The following KCNT1 variants were observed in gnomAD, a reference collection of about 807,000 sequenced individuals.
KCNT1 encodes the protein potassium sodium-activated channel subfamily T member 1, also known as potassium channel subfamily T member 1.
KCNT1 carries 78 observed loss-of-function variants against 147.8 expected under a neutral mutation model. The observed-to-expected ratio is 0.53, with a 90% CI of 0.44 to 0.64. The LOEUF is 0.64. KCNT1 is among the 30% of genes least tolerant of loss of function. The pLI is 0.00. For missense variants in KCNT1, 1,419 were observed against 1,750.3 expected (o/e 0.81, Z 3.38); for synonymous variants, 867 against 748.8 (o/e 1.16, Z -2.58).
At chr9:135,703,371 C>A (rs1453474654) in intron 1 of KCNT1, among the ~76,000 whole-genome samples, 1 of 152,150 alleles carries the variant, frequency 6.6e-6, no homozygotes, top group Non-Finnish European at 1.5e-5. Context: ...CTCAGTTTCC[C>A]CGAGTGTAAA....
At chr9:135,779,609 G>C (rs58398986) in intron 24 of KCNT1, 139 bp downstream of exon 24, 2 of 667,026 alleles carry the variant, frequency 3.0e-6, no homozygotes, top group Non-Finnish European at 5.2e-6. Flanking sequence ...AGGAGATGGC[G>C]TGGGGGGCCC....
At chr9:135,789,013 C>T (rs1163912252) in intron 29 of KCNT1, 1 of 150,832 alleles carries the variant, frequency 6.6e-6, no homozygotes, top group Non-Finnish European at 1.5e-5. Flanking sequence ...AGGGCCAGGC[C>T]TGGGGCAGCC....
At chr9:135,710,044 A>T (rs1835424798) in intron 1 of KCNT1, among the ~76,000 whole-genome samples, 1 of 152,154 alleles carries the variant, frequency 6.6e-6, no homozygotes, top group Admixed American at 6.5e-5. Flanking sequence ...TGTTCTGATG[A>T]TTATTCTGTT....
At chr9:135,753,672 G>C in intron 4 of KCNT1, 1 of 564,230 alleles carries the variant, frequency 1.8e-6, no homozygotes, top group Non-Finnish European at 3.2e-6. Context: ...GATGTGGGAT[G>C]TACCCTCGCT....
At chr9:135,762,574 C>G (rs1477194420) in intron 11 of KCNT1, among the ~76,000 whole-genome samples, 1 of 151,944 alleles carries the variant, frequency 6.6e-6, no homozygotes, top group Non-Finnish European at 1.5e-5. Flanking sequence ...ATGGCAAAAC[C>G]CCGTCTCTAC....
chr9:135,718,838 C>A (rs939979601), intron 2 of KCNT1, among the ~76,000 whole-genome samples: 6 of 152,220 alleles, frequency 3.9e-5, no homozygotes, highest in Non-Finnish European at 8.8e-5. Flanking sequence ...CTCCATCGCC[C>A]GTGGCCTTGG....
At chr9:135,702,808 C>T (rs1347879077) in intron 1 of KCNT1, among the ~76,000 whole-genome samples, 1 of 152,100 alleles carries the variant, frequency 6.6e-6, no homozygotes, top group Non-Finnish European at 1.5e-5. Context: ...GCGAGGTTAC[C>T]CCACACAGTA....
intron 23 of KCNT1, 118 bp from the exon 24 acceptor site, chr9:135,779,241 C>T (rs1833422082): frequency 1.6e-6 from 1 of 610,270 alleles, no homozygotes. Flanking sequence ...GCCCTGAGAC[C>T]CCCCCACAGC....
At chr9:135,776,208 A>G (rs146353399) in intron 20 of KCNT1, among the ~76,000 whole-genome samples, 99 of 148,644 alleles carry the variant, frequency 6.7e-4, no homozygotes, top group Non-Finnish European at 1.2e-3. Flanking sequence ...AAAGCAAACC[A>G]CTCGACCCAG....
intron 11 of KCNT1, among the ~76,000 whole-genome samples, chr9:135,760,231 CAG>C (rs763476433): frequency 6.6e-6 from 1 of 152,188 alleles, no homozygotes; most frequent in Non-Finnish European, 1.5e-5. Flanking sequence ...GCCAGGCCCA[CAG>C]GGGGCACACC....
chr9:135,786,747 C>T (rs1376172476), intron 29 of KCNT1, among the ~76,000 whole-genome samples: 1 of 152,256 alleles, frequency 6.6e-6, no homozygotes, highest in Non-Finnish European at 1.5e-5. Flanking sequence ...GGGAAGTGGC[C>T]ATGGCCCACC....
At chr9:135,703,259 G>A (rs1479490040) in intron 1 of KCNT1, 1 of 152,348 alleles carries the variant, frequency 6.6e-6, no homozygotes, top group Non-Finnish European at 1.5e-5. Flanking sequence ...CCTTTCTTCT[G>A]GATCCTGCCC....
At chr9:135,788,059 C>T (rs1343569521) in intron 29 of KCNT1, 4 of 1,482,224 alleles carry the variant, frequency 2.7e-6, no homozygotes, top group Non-Finnish European at 3.8e-6. Flanking sequence ...TATTCTCTCT[C>T]TCTCTCTTTC....
intron 2 of KCNT1, among the ~76,000 whole-genome samples, chr9:135,722,254 G>A (rs545510034): frequency 3.3e-5 from 5 of 152,318 alleles, no homozygotes; most frequent in Admixed American, 2.6e-4. Flanking sequence ...CTGAGAGGGC[G>A]AATCCCGCGT....
At chr9:135,723,471 G>GGAT (rs1836005641) in intron 2 of KCNT1, among the ~76,000 whole-genome samples, 1 of 152,248 alleles carries the variant, frequency 6.6e-6, no homozygotes, top group South Asian at 2.1e-4. Flanking sequence ...AGGGAGGAGA[G>GGAT]GCTGCTGCTC....
chr9:135,771,245 C>G (rs1368361908), intron 18 of KCNT1, 150 bp downstream of exon 18: 4 of 689,068 alleles, frequency 5.8e-6, no homozygotes, highest in South Asian at 3.8e-5. Context: ...AGGACAGGGG[C>G]AGGTGACCAG....
At chr9:135,778,532 C>T (rs778959083) in intron 22 of KCNT1, 37 bp downstream of exon 22, 1 of 1,602,520 alleles carries the variant, frequency 6.2e-7, no homozygotes, top group South Asian at 1.1e-5. Context: ...GGGGGCTCCA[C>T]ACCCACCCCT....
At chr9:135,711,900 T>A (rs149636136) in intron 1 of KCNT1, among the ~76,000 whole-genome samples, 1 of 152,318 alleles carries the variant, frequency 6.6e-6, no homozygotes, top group East Asian at 1.9e-4. Flanking sequence ...TCCGCGTGCC[T>A]CAGGCATGCT....
At chr9:135,772,605 C>T (rs984294050) in intron 18 of KCNT1, 110 bp from the exon 19 acceptor site, 33 of 713,400 alleles carry the variant, frequency 4.6e-5, no homozygotes, top group Non-Finnish European at 6.4e-5. Flanking sequence ...GCACAGGAGC[C>T]AGGCCATGAC....
Sources: allele counts gnomAD v4.1 joint callset (sites outside exome capture counted in the v4.1 genomes callset), GRCh38; gene constraint gnomAD v4.1.1; transcripts MANE v1.5; gene names NCBI Gene and HGNC (gene_info 2026-07-23, HGNC 2026-07-21).